MYOCOS: variants seen among roughly 807,000 people sequenced by gnomAD.
MYOCOS encodes myocilin opposite strand protein.
intron 2 of MYOCOS, among the ~76,000 whole-genome samples, chr1:171,625,327 G>A (rs1279589983): frequency 6.6e-6 from 1 of 152,184 alleles, no homozygotes; most frequent in Non-Finnish European, 1.5e-5. Context: ...TTAGGGATCA[G>A]CTTTGATTGG....
chr1:171,622,611 C>G (rs1652597730), intron 1 of MYOCOS, among the ~76,000 whole-genome samples: 1 of 152,142 alleles, frequency 6.6e-6, no homozygotes, highest in African/African-American at 2.4e-5. Context: ...GTTGGGCATC[C>G]TTATAAGAAC....
upstream of MYOCOS, among the ~76,000 whole-genome samples, chr1:171,617,786 C>T (rs1652477769): frequency 6.6e-6 from 1 of 151,962 alleles, no homozygotes; most frequent in Non-Finnish European, 1.5e-5. Context: ...TGAGAAAGAT[C>T]GAACAGAGAG....
chr1:171,617,196 C>T (rs1290607611), intron 2 of MYOCOS, among the ~76,000 whole-genome samples: 4 of 152,140 alleles, frequency 2.6e-5, no homozygotes, highest in African/African-American at 9.7e-5. Context: ...ATAAAATCAT[C>T]TTTCACCTGC....
intron 1 of MYOCOS, among the ~76,000 whole-genome samples, chr1:171,623,497 C>T (rs936030240): frequency 2.0e-5 from 3 of 152,126 alleles, no homozygotes; most frequent in South Asian, 2.1e-4. Context: ...ACAGGGCTGC[C>T]GTGCAACCTG....
chr1:171,620,070 T>C (rs895122525), upstream of MYOCOS, among the ~76,000 whole-genome samples: 1 of 144,842 alleles, frequency 6.9e-6, no homozygotes, highest in East Asian at 2.0e-4. Context: ...CCCCTTTACA[T>C]ATATATATAT....
At chr1:171,623,622 A>G (rs1272181599) in intron 1 of MYOCOS, among the ~76,000 whole-genome samples, 5 of 151,946 alleles carry the variant, frequency 3.3e-5, no homozygotes, top group African/African-American at 1.2e-4. Context: ...AACAACCAAC[A>G]AGTACTTTAC....
intron 2 of MYOCOS, among the ~76,000 whole-genome samples, chr1:171,624,435 A>AATTAATATTATTATT: frequency 6.8e-6 from 1 of 147,178 alleles, no homozygotes; most frequent in East Asian, 2.0e-4. Context: ...ACGTCTGGTT[A>AATTAATATTATTATT]ATTATTATTA....
intron 1 of MYOCOS, among the ~76,000 whole-genome samples, chr1:171,603,034 C>A (rs1191561264): frequency 6.6e-6 from 1 of 152,182 alleles, no homozygotes. Context: ...CAGGCGTGGG[C>A]TGCATGGTAG....
At chr1:171,615,602 C>T (rs1163498303) in intron 2 of MYOCOS, among the ~76,000 whole-genome samples, 3 of 152,250 alleles carry the variant, frequency 2.0e-5, no homozygotes, top group East Asian at 1.9e-4. Context: ...ACTTAGAAAC[C>T]GATGTTATTC....
chr1:171,605,857 G>A (rs1040496746), intron 1 of MYOCOS, among the ~76,000 whole-genome samples: 66 of 152,060 alleles, frequency 4.3e-4, no homozygotes, highest in Non-Finnish European at 5.7e-4. Flanking sequence ...TAATAAAACC[G>A]GTCAAGCCTT....
upstream of MYOCOS, among the ~76,000 whole-genome samples, chr1:171,620,068 CATAT>C (rs139274519): frequency 6.3e-5 from 9 of 142,530 alleles, no homozygotes; most frequent in Middle Eastern, 3.7e-3. Flanking sequence ...CTCCCCTTTA[CATAT>C]ATATATATAT....
chr1:171,601,668 A>AG (rs1347867918), intron 1 of MYOCOS, among the ~76,000 whole-genome samples: 2 of 152,144 alleles, frequency 1.3e-5, no homozygotes, highest in Non-Finnish European at 2.9e-5. Flanking sequence ...AAGCCTAGAC[A>AG]GGTCCTTTGT....
chr1:171,615,222 G>A (rs1004642290), intron 2 of MYOCOS, among the ~76,000 whole-genome samples: 1 of 152,194 alleles, frequency 6.6e-6, no homozygotes, highest in Non-Finnish European at 1.5e-5. Context: ...GATGAAAGCA[G>A]GGGACCAGAT....
chr1:171,618,951 C>G (rs950943207), upstream of MYOCOS, among the ~76,000 whole-genome samples: 23 of 152,136 alleles, frequency 1.5e-4, no homozygotes, highest in Non-Finnish European at 3.2e-4. Context: ...TCCTCACAAC[C>G]AGCCCCTATC....
chr1:171,601,381 G>A (rs369112369), intron 1 of MYOCOS, among the ~76,000 whole-genome samples: 29 of 151,994 alleles, frequency 1.9e-4, no homozygotes, highest in African/African-American at 2.4e-4. Flanking sequence ...TTTGAATTTC[G>A]TGATTTTGGT....
intron 1 of MYOCOS, among the ~76,000 whole-genome samples, chr1:171,614,274 CAG>C (rs1652408344): frequency 6.6e-6 from 1 of 152,160 alleles, no homozygotes; most frequent in Non-Finnish European, 1.5e-5. Flanking sequence ...AAGTTTCTAA[CAG>C]AATACTGGGA....
chr1:171,611,835 G>A (rs993533365), intron 1 of MYOCOS, among the ~76,000 whole-genome samples: 3 of 151,820 alleles, frequency 2.0e-5, no homozygotes, highest in Admixed American at 2.0e-4. Flanking sequence ...TAATTTGCAG[G>A]GGATGGAAAA....
intron 1 of MYOCOS, among the ~76,000 whole-genome samples, chr1:171,606,067 G>T (rs982586241): frequency 1.3e-5 from 2 of 152,118 alleles, no homozygotes; most frequent in Non-Finnish European, 2.9e-5. Flanking sequence ...GCACGGATTC[G>T]ACCCTGAAGC....
intron 2 of MYOCOS, among the ~76,000 whole-genome samples, chr1:171,616,054 T>C (rs1460344517): frequency 6.6e-6 from 1 of 151,608 alleles, no homozygotes; most frequent in African/African-American, 2.4e-5. Context: ...CTGTCTCTAC[T>C]AAAAATACAA....
Sources: gnomAD v4.1 joint callset for allele counts (sites outside exome capture counted in the v4.1 genomes callset) on GRCh38, gnomAD v4.1.1 for gene constraint, MANE v1.5 for transcripts, NCBI Gene and HGNC (gene_info 2026-07-23, HGNC 2026-07-21) for gene names.